Variants in AK8 observed in about 807,000 individuals in gnomAD.
AK8 encodes the protein ATP-AMP transphosphorylase 8.
In AK8, 44 loss-of-function variants were observed where a neutral mutation model predicts 54.6. That is an observed-to-expected ratio of 0.81 (90% CI 0.63 to 1.04). AK8 has a LOEUF of 1.04. Ranked by LOEUF, AK8 falls within the 50% of genes least tolerant of loss-of-function variation. The probability of loss-of-function intolerance (pLI) is 0.00; values close to 1 mark genes in which losing one functional copy is unlikely to be tolerated. For synonymous variants in AK8, 239 were observed against 245.6 expected (o/e 0.97, Z 0.25); for missense variants, 555 against 613.6 (o/e 0.90, Z 1.01).
intron 5 of AK8, among the ~76,000 whole-genome samples, chr9:132,844,605 T>C (rs1163695068): frequency 6.6e-6 from 1 of 152,258 alleles, no homozygotes; most frequent in Non-Finnish European, 1.5e-5. Flanking sequence ...CTTGAAATCC[T>C]GTCTCCAGCG....
At chr9:132,854,990 C>T (rs1339666451) in intron 4 of AK8, 65 bp from the exon 5 acceptor site, 1 of 1,546,886 alleles carries the variant, frequency 6.5e-7, no homozygotes, top group East Asian at 2.3e-5. Flanking sequence ...GGACACAGAC[C>T]AGCACACACC....
At chr9:132,783,007 T>C (rs2131135035) in intron 11 of AK8, among the ~76,000 whole-genome samples, 2 of 152,324 alleles carry the variant, frequency 1.3e-5, no homozygotes, top group Admixed American at 1.3e-4. Context: ...CTCCAAGATG[T>C]TCACCTCTTA....
rs572051234 is a variant in AK8, at chr9:132,768,665, A to C, written c.1121+23969T>G. ...CATATGCAAAAACAAATACAAATGC[A>C]TATGTGTGTGTATATATATGAATGC... is the stretch of plus-strand genomic sequence containing the variant. On this transcript the variant is annotated intron_variant, in intron 11 of 12. Coordinates refer to ENST00000298545, the MANE Select transcript of AK8 (RefSeq NM_152572.3). 1.0e-3 allele frequency among the ~76,000 whole-genome samples: 159 copies of C among 152,352 alleles called. 1 individual carries two copies. Among genetic ancestry groups the C allele is most frequent in the Non-Finnish European group, 3.4e-4 (23 of 68,026 alleles).
At chr9:132,828,953 T>A (rs1188146318) in intron 5 of AK8, among the ~76,000 whole-genome samples, 1 of 151,940 alleles carries the variant, frequency 6.6e-6, no homozygotes, top group East Asian at 1.9e-4. Flanking sequence ...ATATTTTACA[T>A]CTTGATTTTT....
At chr9:132,821,813 A>G (rs1455872605) in intron 9 of AK8, among the ~76,000 whole-genome samples, 19 of 114,212 alleles carry the variant, frequency 1.7e-4, no homozygotes, top group East Asian at 8.1e-4. Flanking sequence ...ATGTGTATGT[A>G]TATACAAATA....
At chr9:132,748,942 T>C (rs1837777526) in intron 11 of AK8, among the ~76,000 whole-genome samples, 2 of 151,940 alleles carry the variant, frequency 1.3e-5, no homozygotes, top group African/African-American at 4.8e-5. Context: ...TGGCGCGATC[T>C]CGGCTCACTG....
In AK8 at chr9:132,790,444, G is replaced by T. The variant is rs1178047833; in HGVS notation, c.1121+2190C>A. Among the ~76,000 whole-genome samples the T allele has an allele frequency of 6.6e-6, 1 of 152,086 alleles. No homozygotes were observed. The highest frequency in any genetic ancestry group is 1.5e-5 in the Non-Finnish European group (1 of 68,022). On this transcript the variant is annotated intron_variant, in intron 11 of 12. Transcript: ENST00000298545. This position sits in a 1 kb window ranked among gnomAD's most constrained non-coding sequence, Gnocchi z 4.1. ...TTTTTGTATTTTTTAGTAGAGACGG[G>T]TTTCACCATGTTAGCCAGGATGGTC... is the stretch of plus-strand genomic sequence containing the variant.
intron 11 of AK8, among the ~76,000 whole-genome samples, chr9:132,768,120 G>A (rs1838799079): frequency 6.6e-6 from 1 of 152,144 alleles, no homozygotes; most frequent in South Asian, 2.1e-4. Context: ...CCAAAATAAA[G>A]AAATGATAGA....
intron 11 of AK8, among the ~76,000 whole-genome samples, chr9:132,762,535 T>C (rs1838529602): frequency 6.6e-6 from 1 of 152,128 alleles, no homozygotes; most frequent in African/African-American, 2.4e-5. Flanking sequence ...AATAAACAAC[T>C]ATATTTAAAT....
In AK8 at chr9:132,791,509, C is replaced by T. The variant is rs1391065145; in HGVS notation, c.1121+1125G>A. Among the ~76,000 whole-genome samples, 1 of 151,888 alleles carries T rather than the reference C, an allele frequency of 6.6e-6. No homozygotes were observed. Among genetic ancestry groups the T allele is most frequent in the Admixed American group, 6.6e-5 (1 of 15,252 alleles). ...TACATGATAAAATCATTATAGTGCT[C>T]GTTTGGAATAATAAATATATAAAAT... On this transcript the variant is annotated intron_variant, in intron 11 of 12. Coordinates refer to ENST00000298545, the MANE Select transcript of AK8 (RefSeq NM_152572.3). The surrounding 1 kb of genome is among the most constrained non-coding windows in gnomAD (Gnocchi z 4.0).
At chr9:132,878,390 G>C, upstream of AK8, 1 of 1,244,268 alleles carries the variant, frequency 8.0e-7, no homozygotes, top group South Asian at 3.9e-5. The surrounding 1 kb of genome is among the most constrained non-coding windows in gnomAD (Gnocchi z 4.7). Context: ...CGGTCGCGCG[G>C]GTCGCCCCCG....
chr9:132,851,030 G>T (rs906294111), intron 5 of AK8, among the ~76,000 whole-genome samples: 13 of 152,176 alleles, frequency 8.5e-5, no homozygotes, highest in African/African-American at 3.1e-4. Context: ...CGAGGACTCA[G>T]AAAGTTACCC....
intron 5 of AK8, among the ~76,000 whole-genome samples, chr9:132,833,568 C>T (rs1842193527): frequency 6.6e-6 from 1 of 152,174 alleles, no homozygotes; most frequent in Admixed American, 6.5e-5. Flanking sequence ...TGCCTTCGCT[C>T]ACCGTACCCC....
chr9:132,816,754 C>T (rs1460981430), intron 9 of AK8, among the ~76,000 whole-genome samples: 3 of 152,164 alleles, frequency 2.0e-5, no homozygotes, highest in Admixed American at 6.5e-5. Flanking sequence ...ACATACAAAA[C>T]GAGCCCCATA....
At chr9:132,849,011 C>A (rs541358749) in intron 5 of AK8, among the ~76,000 whole-genome samples, 1 of 149,842 alleles carries the variant, frequency 6.7e-6, no homozygotes, top group Admixed American at 6.7e-5. Flanking sequence ...TGGGTTCAAG[C>A]GATTCTCCTA....
chr9:132,732,754 A>G (rs1401899927), intron 11 of AK8, among the ~76,000 whole-genome samples: 1 of 152,154 alleles, frequency 6.6e-6, no homozygotes, highest in East Asian at 1.9e-4. Flanking sequence ...CTGTGCCTGT[A>G]GCCAGCCTCA....
chr9:132,760,318 A>C (rs1156902934), intron 11 of AK8, among the ~76,000 whole-genome samples: 1 of 152,110 alleles, frequency 6.6e-6, no homozygotes, highest in Non-Finnish European at 1.5e-5. Flanking sequence ...AGTAGCTGAG[A>C]TTACAGGCTC....
intron 11 of AK8, among the ~76,000 whole-genome samples, chr9:132,729,571 T>A (rs1476144011): frequency 2.6e-5 from 4 of 152,230 alleles, no homozygotes; most frequent in Non-Finnish European, 4.4e-5. Context: ...CACTATTTGC[T>A]CATTTGTCCT....
At chr9:132,784,241 CG>C (rs1564399547) in intron 11 of AK8, among the ~76,000 whole-genome samples, 1 of 151,776 alleles carries the variant, frequency 6.6e-6, no homozygotes, top group African/African-American at 2.4e-5. Flanking sequence ...ATCCATAGGC[CG>C]GGCGCAGTGG....
Sources: gnomAD v4.1 joint callset for allele counts (sites outside exome capture counted in the v4.1 genomes callset) on GRCh38, gnomAD v4.1.1 for gene constraint, Gnocchi (gnomAD v3.1) non-coding constraint, MANE v1.5 for transcripts, NCBI Gene and HGNC (gene_info 2026-07-23, HGNC 2026-07-21) for gene names.